Variants in ZFYVE9 observed in about 807,000 individuals in gnomAD.
ZFYVE9 encodes the protein zinc finger FYVE domain-containing protein 9.
A neutral mutation model predicts 126.7 loss-of-function variants in ZFYVE9; 43 were observed. The ratio of observed to expected loss-of-function variants is 0.34; its 90% confidence interval spans 0.27 to 0.44. The LOEUF (loss-of-function observed/expected upper bound fraction) is 0.44. Among genes scored for constraint, ZFYVE9 ranks in the 20% least tolerant of loss-of-function variants. ZFYVE9 has a pLI of 1.00. For synonymous variants in ZFYVE9, 521 were observed against 597.4 expected (o/e 0.87, Z 1.87); for missense variants, 1,476 against 1,697.0 (o/e 0.87, Z 2.29).
intron 1 of ZFYVE9, among the ~76,000 whole-genome samples, chr1:52,177,256 TCTC>T (rs1379055797): frequency 6.6e-6 from 1 of 151,946 alleles, no homozygotes; most frequent in African/African-American, 2.4e-5. Context: ...TTCAAGCACT[TCTC>T]CTGCCTCAGC....
At chr1:52,257,757 G>A (rs560695739) in intron 4 of ZFYVE9, among the ~76,000 whole-genome samples, 6 of 151,992 alleles carry the variant, frequency 3.9e-5, no homozygotes, top group Non-Finnish European at 8.8e-5. Context: ...TTTTTGAGAC[G>A]GGGTTTCGCT....
chr1:52,221,176 C>G (rs1645121349), intron 2 of ZFYVE9, among the ~76,000 whole-genome samples: 1 of 152,108 alleles, frequency 6.6e-6, no homozygotes, highest in South Asian at 2.1e-4. Context: ...TTGGGCAGAC[C>G]AGTTATTTGG....
rs544065980 is a variant in ZFYVE9 at position 52,142,472 on chromosome 1, C to T, written c.-143+69C>T. ...CGCCTGTGGGGGCCCTGGCGGCAGACCGCGGGCCGGGCGGACGGGGCGTCC... is the reference window on the plus strand; with the variant it reads ...CGCCTGTGGGGGCCCTGGCGGCAGATCGCGGGCCGGGCGGACGGGGCGTCC... On this transcript the variant is annotated intron_variant, in intron 1 of 18. Coordinates refer to ENST00000287727, the MANE Select transcript of ZFYVE9 (RefSeq NM_004799.4). This position sits in a 1 kb window ranked among gnomAD's most constrained non-coding sequence, Gnocchi z 4.5. The T allele has an allele frequency of 6.6e-5, 10 of 152,188 alleles. No homozygotes were observed. Among genetic ancestry groups the T allele is most frequent in the African/African-American group, 2.2e-4 (9 of 41,544 alleles). 9.4% of individuals were successfully genotyped at this position (152,188 alleles called of 1,614,324 possible). A position where few individuals can be genotyped will look rare whatever the true frequency, so the allele number is the denominator to read the frequency against.
At chr1:52,329,634 G>T (rs550417888) in intron 13 of ZFYVE9, among the ~76,000 whole-genome samples, 1 of 152,206 alleles carries the variant, frequency 6.6e-6, no homozygotes. Flanking sequence ...GGCCGGGCGC[G>T]GTGGCACATG....
intron 13 of ZFYVE9, among the ~76,000 whole-genome samples, chr1:52,326,014 A>T (rs1314946429): frequency 6.6e-6 from 1 of 152,200 alleles, no homozygotes; most frequent in Non-Finnish European, 1.5e-5. Context: ...AAACACCGGG[A>T]GGTAAAGCTC....
Position 52,216,349 on chromosome 1 carries a change from G to A in ZFYVE9, c.-142-20G>A. 1 of 398,342 alleles carries A rather than the reference G, an allele frequency of 2.5e-6. No individual in the cohort carries two copies. Among genetic ancestry groups the A allele is most frequent in the Non-Finnish European group, 4.4e-6 (1 of 225,870 alleles). The allele number at this position is 398,342 out of a possible 1,614,324, so 24.7% of individuals were successfully genotyped here. A position where few individuals can be genotyped will look rare whatever the true frequency, so the allele number is the denominator to read the frequency against. On this transcript the variant is annotated intron_variant, in intron 1 of 18. Transcript: ENST00000287727. ...CTTATTGTTTCAGCAAGTGTAATGA[G>A]CAATGTGTTTTTCCTTTAGGATCAA...
intron 3 of ZFYVE9, 39 bp downstream of exon 3, chr1:52,233,315 T>C (rs1645241911): frequency 6.8e-7 from 1 of 1,468,410 alleles, no homozygotes; most frequent in Non-Finnish European, 9.3e-7. Context: ...GCCTATGTGG[T>C]ATAGAGAATG....
At chr1:52,242,706 A>T (rs1645346737) in intron 4 of ZFYVE9, among the ~76,000 whole-genome samples, 1 of 152,214 alleles carries the variant, frequency 6.6e-6, no homozygotes, top group African/African-American at 2.4e-5. Context: ...TTTCTTATGT[A>T]CTGATGGGAA....
intron 4 of ZFYVE9, among the ~76,000 whole-genome samples, chr1:52,244,971 A>G (rs1241837682): frequency 6.6e-6 from 1 of 152,122 alleles, no homozygotes; most frequent in African/African-American, 2.4e-5. Flanking sequence ...CAGCCTGGCC[A>G]ATATGGTGAA....
At chr1:52,182,265 G>A (rs1644716856) in intron 1 of ZFYVE9, among the ~76,000 whole-genome samples, 1 of 152,260 alleles carries the variant, frequency 6.6e-6, no homozygotes, top group Non-Finnish European at 1.5e-5. Context: ...ACAGCTCATT[G>A]AGAAGGGGCC....
chr1:52,224,041 A>G (rs1445735630), intron 2 of ZFYVE9, among the ~76,000 whole-genome samples: 1 of 152,118 alleles, frequency 6.6e-6, no homozygotes, highest in Non-Finnish European at 1.5e-5. Flanking sequence ...TTAGATTTCT[A>G]ACCTCTGAAC....
intron 1 of ZFYVE9, among the ~76,000 whole-genome samples, chr1:52,178,971 A>AT (rs1644668853): frequency 2.6e-5 from 4 of 151,884 alleles, no homozygotes; most frequent in South Asian, 4.2e-4. Context: ...TGCCTGGCTA[A>AT]TTTTTTTGTT....
chr1:52,216,794 G>A (rs1645075884), intron 2 of ZFYVE9, among the ~76,000 whole-genome samples: 1 of 152,166 alleles, frequency 6.6e-6, no homozygotes. Flanking sequence ...GCTCATGCAA[G>A]AGCTAAACAA....
chr1:52,208,592 G>T (rs968382541), intron 1 of ZFYVE9, among the ~76,000 whole-genome samples: 1 of 151,152 alleles, frequency 6.6e-6, no homozygotes, highest in East Asian at 1.9e-4. Flanking sequence ...ATCTCAGCCC[G>T]GCGCAATCTT....
intron 4 of ZFYVE9, chr1:52,252,828 G>A (rs1645465182): frequency 1.9e-5 from 6 of 314,418 alleles, no homozygotes; most frequent in South Asian, 1.4e-4. Flanking sequence ...CAGAGGTTGC[G>A]GCCAACAATG....
intron 1 of ZFYVE9, among the ~76,000 whole-genome samples, chr1:52,165,431 C>T (rs1644504566): frequency 6.6e-6 from 1 of 151,956 alleles, no homozygotes; most frequent in Non-Finnish European, 1.5e-5. Flanking sequence ...TAATAGGACC[C>T]CTGAACAGTC....
At chr1:52,265,751 C>G (rs1410949314) in intron 5 of ZFYVE9, among the ~76,000 whole-genome samples, 1 of 152,034 alleles carries the variant, frequency 6.6e-6, no homozygotes, top group East Asian at 1.9e-4. Flanking sequence ...AAGCAGAATT[C>G]AGAAAAAGAT....
At chr1:52,147,750 A>G (rs1644317911) in intron 1 of ZFYVE9, among the ~76,000 whole-genome samples, 1 of 152,182 alleles carries the variant, frequency 6.6e-6, no homozygotes. Flanking sequence ...GCTGGGCCAA[A>G]TGGTAGCTGT....
chr1:52,239,433 T>A lies in ZFYVE9; in HGVS notation c.2016T>A (p.Asp672Glu). 1.2e-6 allele frequency: 2 copies of A among 1,614,136 alleles called. No homozygotes were observed. The highest frequency in any genetic ancestry group is 1.7e-6 in the Non-Finnish European group (2 of 1,179,996). The change falls in exon 4 of 19, where the codon GAT (aspartate) becomes GAA (glutamate). Residue 672 changes from aspartate (D) to glutamate (E), a missense_variant. Physicochemically the swap from Asp to Glu is conservative, Grantham distance 45. Coordinates refer to ENST00000287727, the MANE Select transcript of ZFYVE9 (RefSeq NM_004799.4). ...TAGCTCCAGATAGCCCAGATAATGA[T>A]CTCAGAGCTGGTCAGTTTGGAATTT... ...LALAPDSPDN[D>E]LRAGQFGISA...
Sources: gnomAD v4.1 joint callset for allele counts (sites outside exome capture counted in the v4.1 genomes callset) on GRCh38, gnomAD v4.1.1 for gene constraint, Gnocchi (gnomAD v3.1) non-coding constraint, MANE v1.5 for transcripts, NCBI Gene and HGNC (gene_info 2026-07-23, HGNC 2026-07-21) for gene names.